The following C1QTNF2 variants were observed in gnomAD, a reference collection of about 807,000 sequenced individuals.
C1QTNF2 encodes complement C1q tumor necrosis factor-related protein 2.
Under a neutral mutation model 17.4 loss-of-function variants are expected in C1QTNF2, and 15 were observed. That is an observed-to-expected ratio of 0.86 (90% CI 0.58 to 1.33). The LOEUF is 1.33. Among genes scored for constraint, C1QTNF2 ranks in the 40% most tolerant of loss-of-function variants. The pLI, the probability that C1QTNF2 is intolerant of heterozygous loss-of-function variation, is 0.00. For synonymous variants in C1QTNF2, 154 were observed against 163.3 expected (o/e 0.94, Z 0.44); for missense variants, 381 against 392.3 (o/e 0.97, Z 0.24).
intron 1 of C1QTNF2, among the ~76,000 whole-genome samples, chr5:160,366,878 G>A (rs1454939324): frequency 2.6e-5 from 4 of 152,018 alleles, no homozygotes. Flanking sequence ...ACAAAAATTA[G>A]CCGGGCGTGG....
At chr5:160,354,095 C>T (rs557609699) in intron 2 of C1QTNF2, among the ~76,000 whole-genome samples, 12 of 152,172 alleles carry the variant, frequency 7.9e-5, no homozygotes, top group East Asian at 3.9e-4. Flanking sequence ...TGAGCCACCG[C>T]GCCTGGCCTG....
intron 1 of C1QTNF2, among the ~76,000 whole-genome samples, chr5:160,356,832 C>T (rs1023433700): frequency 6.6e-6 from 1 of 152,168 alleles, no homozygotes; most frequent in Non-Finnish European, 1.5e-5. Context: ...CCAGGCTTTT[C>T]GGCTGCCTCT....
At chr5:160,355,290 A>G in intron 1 of C1QTNF2, 1 of 976,432 alleles carries the variant, frequency 1.0e-6, no homozygotes, top group Non-Finnish European at 1.2e-6. Flanking sequence ...CATCTTCCAG[A>G]GTGGCTGAAA....
In C1QTNF2 at chr5:160,349,752, TTCCCCGG is replaced by T; in HGVS notation, c.267_273del (p.Asn89LysfsTer66). The stretch of plus-strand genomic sequence containing the variant: ...CCGGCTTTGCCCTTTGGTCCTGGCT[TTCCCCGG>T]TTACCTGTCCGGCCAGGTGGACCTG... On this transcript the variant is annotated frameshift_variant, in exon 3 of 3. Transcript: ENST00000652664. LOFTEE classifies it high-confidence loss of function. The surrounding 1 kb of genome is among the most constrained non-coding windows in gnomAD (Gnocchi z 4.3). 6.5e-7 allele frequency: 1 copy of T among 1,534,964 alleles called. No homozygotes were observed. Among genetic ancestry groups the T allele is most frequent in the Non-Finnish European group, 8.7e-7 (1 of 1,150,768 alleles).
chr5:160,351,382 G>A (rs1410553767), intron 2 of C1QTNF2, among the ~76,000 whole-genome samples: 3 of 152,196 alleles, frequency 2.0e-5, no homozygotes, highest in African/African-American at 7.2e-5. Context: ...AGGAAGTAAA[G>A]TTTTAGGCAT....
At chr5:160,359,925 C>A (rs557554152) in intron 1 of C1QTNF2, among the ~76,000 whole-genome samples, 1 of 152,218 alleles carries the variant, frequency 6.6e-6, no homozygotes, top group Admixed American at 6.5e-5. Context: ...TCCCTGGCTC[C>A]CTCGGCTCCT....
rs1457554989 is a variant in C1QTNF2 at position 160,370,565 on chromosome 5, G to T, written c.-63C>A. 1.4e-6 allele frequency: 2 copies of T among 1,442,244 alleles called. No individual in the cohort carries two copies. The highest frequency in any genetic ancestry group is 2.9e-5 in the East Asian group (1 of 34,384). 89.3% of individuals were successfully genotyped at this position (1,442,244 alleles called of 1,614,324 possible). ...CGTCCGGAGCAAAGAAGCTCTCGGC[G>T]GGGCTCCGCGTCCCGGCTTTCCTCA... On this transcript the variant is annotated 5_prime_UTR_variant, in exon 1 of 3. Transcript: ENST00000652664.
chr5:160,359,534 T>C (rs1267853682), intron 1 of C1QTNF2, among the ~76,000 whole-genome samples: 1 of 152,250 alleles, frequency 6.6e-6, no homozygotes, highest in Non-Finnish European at 1.5e-5. Context: ...ATCTCTCTGA[T>C]GCCCTGTATT....
rs1368454923 is a variant in C1QTNF2 at position 160,349,853 on chromosome 5, T to C, written c.245-72A>G. ...GGCAGAGGGGTGCGGTGCGGCTTGG[T>C]CTTCCAATCTTGGAGAAGGAGTGCT... On this transcript the variant is annotated intron_variant, in intron 2 of 2. Transcript: ENST00000652664. This position sits in a 1 kb window ranked among gnomAD's most constrained non-coding sequence, Gnocchi z 4.3. 42 of 1,473,368 alleles carry C rather than the reference T, an allele frequency of 2.9e-5. No homozygotes were observed. Among genetic ancestry groups the C allele is most frequent in the Middle Eastern group, 1.8e-4 (1 of 5,558 alleles). The allele number at this position is 1,473,368 out of a possible 1,614,324, so 91.3% of individuals were successfully genotyped here. A position where few individuals can be genotyped will look rare whatever the true frequency, so the allele number is the denominator to read the frequency against.
rs1459632308 is a variant in C1QTNF2, at chr5:160,348,335, T to C, written c.*833A>G. 6.6e-6 allele frequency: 1 copy of C among 152,264 alleles called. No homozygotes were observed. Among genetic ancestry groups the C allele is most frequent in the Non-Finnish European group, 1.5e-5 (1 of 68,062 alleles). The allele number at this position is 152,264 out of a possible 1,614,324, so 9.4% of individuals were successfully genotyped here. A position where few individuals can be genotyped will look rare whatever the true frequency, so the allele number is the denominator to read the frequency against. On this transcript the variant is annotated 3_prime_UTR_variant, in exon 3 of 3. Transcript: ENST00000652664. ...CTATCAGTGTCACTTTGTATTCTGA[T>C]AAGCCTTCGTGAATGGAACGAGCTC...
chr5:160,366,830 C>T (rs1764255551), intron 1 of C1QTNF2, among the ~76,000 whole-genome samples: 1 of 133,342 alleles, frequency 7.5e-6, no homozygotes, highest in African/African-American at 2.5e-5. Flanking sequence ...TCGAGACCAG[C>T]CTGGACAATA....
chr5:160,350,287 G>A (rs1198355150), intron 2 of C1QTNF2, among the ~76,000 whole-genome samples: 2 of 152,000 alleles, frequency 1.3e-5, no homozygotes, highest in African/African-American at 2.4e-5. Context: ...AAAACATTAC[G>A]GTCCATCTAT....
chr5:160,350,820 C>CGCTCACT (rs956143005), intron 2 of C1QTNF2, among the ~76,000 whole-genome samples: 6 of 151,602 alleles, frequency 4.0e-5, no homozygotes, highest in Non-Finnish European at 8.8e-5. Context: ...GCGCGATCTC[C>CGCTCACT]GCTCACTGCA....
intron 1 of C1QTNF2, among the ~76,000 whole-genome samples, chr5:160,358,849 C>T (rs536122464): frequency 1.3e-5 from 2 of 152,202 alleles, no homozygotes; most frequent in Admixed American, 6.5e-5. Flanking sequence ...GGCGTGATCT[C>T]GGCTCACTGC....
At chr5:160,356,645 A>G (rs1472974778) in intron 1 of C1QTNF2, among the ~76,000 whole-genome samples, 1 of 152,160 alleles carries the variant, frequency 6.6e-6, no homozygotes, top group Non-Finnish European at 1.5e-5. Context: ...GTCCTCACTC[A>G]GCCTGTGGCT....
intron 1 of C1QTNF2, among the ~76,000 whole-genome samples, chr5:160,366,885 G>A (rs13167334): frequency 0.41 from 61,966 of 151,524 alleles, 13,297 homozygotes; most frequent in Middle Eastern, 0.5. Context: ...TTAGCCGGGC[G>A]TGGTGGTGCA....
Position 160,349,052 on chromosome 5 carries a change from C to G in C1QTNF2, c.*116G>C, listed in dbSNP as rs1763854222. ...GAAAAAAAGAGGCAGAGGAGGTGAG[C>G]CTGAGGCTAGAACCGCTCACTCGAC... On this transcript the variant is annotated 3_prime_UTR_variant, in exon 3 of 3. Coordinates refer to ENST00000652664, the MANE Select transcript of C1QTNF2 (RefSeq NM_031908.6). This position sits in a 1 kb window ranked among gnomAD's most constrained non-coding sequence, Gnocchi z 4.3. 1.5e-6 allele frequency: 2 copies of G among 1,299,702 alleles called. No individual in the cohort carries two copies. Among genetic ancestry groups the G allele is most frequent in the Non-Finnish European group, 2.1e-6 (2 of 951,078 alleles). The allele number at this position is 1,299,702 out of a possible 1,614,324, so 80.5% of individuals were successfully genotyped here.
At chr5:160,357,241 G>A (rs777073264) in intron 1 of C1QTNF2, among the ~76,000 whole-genome samples, 6 of 152,164 alleles carry the variant, frequency 3.9e-5, no homozygotes, top group East Asian at 1.9e-4. Context: ...TCTCACCTTC[G>A]AATGGAAATT....
Position 160,349,309 on chromosome 5 carries a change from C to T in C1QTNF2, c.717G>A (p.Leu239=), listed in dbSNP as rs1048695865. Residue 239 remains leucine (L), a synonymous_variant, in exon 3 of 3, where the codon CTG becomes CTA. Coordinates refer to ENST00000652664, the MANE Select transcript of C1QTNF2 (RefSeq NM_031908.6). The surrounding 1 kb of genome is among the most constrained non-coding windows in gnomAD (Gnocchi z 4.3). ...AAACTTCGTCACCCTGCTTGAGAGC[C>T]AGGATGGTGGAGCCTGAGGCCACAT... ...NHDVASGSTI[L]ALKQGDEVWL... The T allele has an allele frequency of 3.6e-5, 58 of 1,614,040 alleles. No homozygotes were observed. Among genetic ancestry groups the T allele is most frequent in the Non-Finnish European group, 4.8e-5 (57 of 1,180,042 alleles).
Sources: allele counts gnomAD v4.1 joint callset (sites outside exome capture counted in the v4.1 genomes callset), GRCh38; gene constraint gnomAD v4.1.1; non-coding constraint Gnocchi (gnomAD v3.1); transcripts MANE v1.5; gene names NCBI Gene and HGNC (gene_info 2026-07-23, HGNC 2026-07-21).